ARHGEF15: variants seen among roughly 807,000 people sequenced by gnomAD.
ARHGEF15 encodes Rho guanine nucleotide exchange factor 15.
In ARHGEF15, 58 loss-of-function variants were observed where a neutral mutation model predicts 79.7. The ratio of observed to expected loss-of-function variants is 0.73; its 90% CI spans 0.59 to 0.91. ARHGEF15 has a LOEUF of 0.91. Ranked by LOEUF, ARHGEF15 falls within the 40% of genes least tolerant of loss-of-function variation. ARHGEF15 has a pLI of 0.00. For missense variants in ARHGEF15, 1,012 were observed against 1,108.1 expected, an observed-to-expected ratio of 0.91 and a Z score of 1.23; for synonymous variants, 442 against 456.0, an observed-to-expected ratio of 0.97 and a Z score of 0.39.
chr17:8,319,424 AG>A (rs780356267), intron 14 of ARHGEF15, 30 bp downstream of exon 14: 2 of 1,601,158 alleles, frequency 1.2e-6, no homozygotes. Flanking sequence ...GGATGAGGGA[AG>A]AAAAAGCGAG....
rs368563010 is a variant in ARHGEF15, at chr17:8,318,950, C to A, written c.2033+40C>A. The A allele has an allele frequency of 2.5e-6, 4 of 1,608,812 alleles. No homozygotes were observed. The highest frequency in any genetic ancestry group is 3.4e-6 in the Non-Finnish European group (4 of 1,178,158). ...AGGAAGGAGCCCAGGCTGGAGTGGG[C>A]AGGAGGGGTCCAGCGGGACCCCTGC... is the stretch of plus-strand genomic sequence containing the variant. On this transcript the variant is annotated intron_variant, in intron 12 of 15. Transcript: ENST00000361926. The surrounding 1 kb of genome is among the most constrained non-coding windows in gnomAD (Gnocchi z 5.0).
chr17:8,316,849 A>G (rs1337992928), intron 9 of ARHGEF15, among the ~76,000 whole-genome samples: 1 of 152,080 alleles, frequency 6.6e-6, no homozygotes, highest in Non-Finnish European at 1.5e-5. Flanking sequence ...GTGGCGCAAT[A>G]TCGGCTCACT....
rs1230384228 is a variant in ARHGEF15 at position 8,315,411 on chromosome 17, TAG to T, written c.1261_1262del. On this transcript the variant is annotated splice_acceptor_variant, in intron 6 of 15. Transcript: ENST00000361926. LOFTEE classifies it high-confidence loss of function. This position sits in a 1 kb window ranked among gnomAD's most constrained non-coding sequence, Gnocchi z 4.3. ...TCCCACGACTGCCTGCTTTTCTTTC[TAG>T]AGTCTTTTCGAGGTGGTGACGTCCG... 15 of 1,613,776 alleles carry T rather than the reference TAG, an allele frequency of 9.3e-6. No homozygotes were observed. The highest frequency in any genetic ancestry group is 1.2e-5 in the Non-Finnish European group (14 of 1,179,950).
rs1411818774 is a variant in ARHGEF15 at position 8,319,299 on chromosome 17, A to G, written c.2187-13A>G. ...TTTGGGCCAACTGTGACACTTCCCA[A>G]TATCCCCACCAGATCAGACATGCAG... On this transcript the variant is annotated splice_polypyrimidine_tract_variant and intron_variant, in intron 13 of 15. Transcript: ENST00000361926. The G allele has an allele frequency of 3.7e-6, 6 of 1,613,056 alleles. No individual in the cohort carries two copies. In the East Asian group the frequency reaches 1.1e-4, roughly 30 times the overall value.
chr17:8,311,688 CCA>C (rs1904627553), intron 1 of ARHGEF15, among the ~76,000 whole-genome samples: 1 of 151,980 alleles, frequency 6.6e-6, no homozygotes, highest in South Asian at 2.1e-4. Flanking sequence ...GGGCCACACA[CCA>C]CACACCGTAT....
Position 8,315,511 on chromosome 17 carries a change from T to C in ARHGEF15, c.1358T>C (p.Leu453Pro), listed in dbSNP as rs1331247989. The C allele has an allele frequency of 1.2e-6, 2 of 1,612,482 alleles. No individual in the cohort carries two copies. The highest frequency in any genetic ancestry group is 3.3e-5 in the Admixed American group (2 of 60,000). ...CTGAGCCAGGCACTCCGGGACACGC[T>C]CACCCCCCGTGATCACCACACACTC... The part of the protein sequence containing the change: ...FVLSQALRDT[L>P]TPRDHHTLFS... Residue 453 changes from leucine to proline, a missense_variant, in exon 7 of 16, where the codon CTC becomes CCC. Coordinates refer to ENST00000361926, the MANE Select transcript of ARHGEF15 (RefSeq NM_173728.4). The surrounding 1 kb of genome is among the most constrained non-coding windows in gnomAD (Gnocchi z 4.3).
chr17:8,313,798 G>A (rs930645703), intron 4 of ARHGEF15: 28 of 391,968 alleles, frequency 7.1e-5, no homozygotes, highest in East Asian at 3.8e-4. Context: ...GGGAGGCCGC[G>A]GCAGAAGGAT....
At chr17:8,314,808 C>A in intron 4 of ARHGEF15, 98 bp from the exon 5 acceptor site, 1 of 1,410,406 alleles carries the variant, frequency 7.1e-7, no homozygotes, top group Non-Finnish European at 9.6e-7. Context: ...CTACATCCAA[C>A]CTGCACATGG....
intron 15 of ARHGEF15, 69 bp downstream of exon 15, chr17:8,319,672 G>A: frequency 7.6e-7 from 1 of 1,318,678 alleles, no homozygotes; most frequent in East Asian, 2.7e-5. Flanking sequence ...GTCTCATTCT[G>A]TCAGCCAGGC....
Position 8,315,079 on chromosome 17 carries a change from G to A in ARHGEF15, c.1062G>A (p.Gln354=). 1.2e-6 allele frequency: 2 copies of A among 1,613,576 alleles called. No individual in the cohort carries two copies. The highest frequency in any genetic ancestry group is 1.7e-6 in the Non-Finnish European group (2 of 1,179,696). The change falls in exon 6 of 16, where the codon CAG becomes CAA. Residue 354 remains glutamine (Q), a synonymous_variant. Coordinates refer to ENST00000361926, the MANE Select transcript of ARHGEF15 (RefSeq NM_173728.4). This position sits in a 1 kb window ranked among gnomAD's most constrained non-coding sequence, Gnocchi z 4.3. ...TTTGCCCTCTAGAACCTCTGTACCA[G>A]ACCTACCGAGCAGCCGTGCTGTCAG... is the stretch of plus-strand genomic sequence containing the variant. The part of the protein sequence containing the change: ...ELPLQDEPLY[Q]TYRAAVLSEE...
intron 9 of ARHGEF15, among the ~76,000 whole-genome samples, chr17:8,316,900 A>G (rs1905061490): frequency 1.3e-5 from 2 of 152,114 alleles, no homozygotes; most frequent in Admixed American, 6.6e-5. Flanking sequence ...CTCCTGCCTC[A>G]GCCTCCTGAG....
In ARHGEF15 at chr17:8,318,270, A is replaced by G. The variant is rs763219860; in HGVS notation, c.1705-117A>G. 8 of 932,580 alleles carry G rather than the reference A, an allele frequency of 8.6e-6. No individual in the cohort carries two copies. Among genetic ancestry groups the G allele is most frequent in the Non-Finnish European group, 1.3e-5 (8 of 602,168 alleles). 57.8% of individuals were successfully genotyped at this position (932,580 alleles called of 1,614,324 possible). A position where few individuals can be genotyped will look rare whatever the true frequency, so the allele number is the denominator to read the frequency against. On this transcript the variant is annotated intron_variant, in intron 9 of 15. Transcript: ENST00000361926. This position sits in a 1 kb window ranked among gnomAD's most constrained non-coding sequence, Gnocchi z 5.0. ...AGGGTTCTGCAGATGGTGAGTGATG[A>G]GGTCTGTCAGCCTTGTTGAAACTGG...
Position 8,318,819 on chromosome 17 carries a change from A to G in ARHGEF15, c.1942A>G (p.Arg648Gly), listed in dbSNP as rs1355739014. 6.2e-7 allele frequency: 1 copy of G among 1,613,482 alleles called. No individual in the cohort carries two copies. Among genetic ancestry groups the G allele is most frequent in the African/African-American group, 1.3e-5 (1 of 74,968 alleles). The change falls in exon 12 of 16, where the codon AGG becomes GGG. Residue 648 changes from arginine (R) to glycine (G), a missense_variant. By Grantham distance (125) the Arg-to-Gly change is moderately radical. This residue lies in a region of ARHGEF15 where 818 missense variants were observed against 882.5 expected (regional missense o/e 0.93). Transcript: ENST00000361926. This position sits in a 1 kb window ranked among gnomAD's most constrained non-coding sequence, Gnocchi z 5.0. Reference sequence around the variant, plus strand: ...AGAGCTGACTGAGTTAGGGTGCCGGAGGGGGGGCGTGCTCTTTGCCTCGCG... The same window carrying G: ...AGAGCTGACTGAGTTAGGGTGCCGGGGGGGGGGCGTGCTCTTTGCCTCGCG... ...QGELTELGCRRGGVLFASRPR... is the reference protein window; with the variant it reads ...QGELTELGCRGGGVLFASRPR...
chr17:8,315,273 A>G lies in ARHGEF15; in HGVS notation c.1256A>G (p.Gln419Arg). 1 of 1,612,650 alleles carries G rather than the reference A, an allele frequency of 6.2e-7. No individual in the cohort carries two copies. Among genetic ancestry groups the G allele is most frequent in the East Asian group, 2.2e-5 (1 of 44,840 alleles). Residue 419 changes from glutamine to arginine, a missense_variant, in exon 6 of 16, where the codon CAG (glutamine) becomes CGG (arginine). Gln to Arg is a conservative substitution (Grantham distance 43). Around this residue, in one of 3 missense-constraint regions of ARHGEF15, gnomAD observed 818 missense variants for 882.5 expected, o/e 0.93. Coordinates refer to ENST00000361926, the MANE Select transcript of ARHGEF15 (RefSeq NM_173728.4). This position sits in a 1 kb window ranked among gnomAD's most constrained non-coding sequence, Gnocchi z 4.3. ...DTLSPQERRM[Q>R]ESLFEVVTSE... ...CTCAGCCCCCAGGAGAGGCGCATGC[A>G]GGAGGTGGGAGCTGGAGGTGGGAGA...
At position 8,315,628 on chromosome 17, in the gene ARHGEF15, C is replaced by T. The variant is rs1326847434; in HGVS notation, c.1421+54C>T. ...CCTGCCCTTAGGCTGCTGGGCACGC[C>T]CTTTCCTCTCTCCCGGGCCCAGGTC... On this transcript the variant is annotated intron_variant, in intron 7 of 15. Coordinates refer to ENST00000361926, the MANE Select transcript of ARHGEF15 (RefSeq NM_173728.4). The surrounding 1 kb of genome is among the most constrained non-coding windows in gnomAD (Gnocchi z 4.3). The T allele has an allele frequency of 6.9e-6, 11 of 1,599,522 alleles. No homozygotes were observed. The highest frequency in any genetic ancestry group is 6.8e-6 in the Non-Finnish European group (8 of 1,176,290).
intron 15 of ARHGEF15, 107 bp from the exon 16 acceptor site, chr17:8,320,735 C>T: frequency 2.0e-6 from 2 of 983,718 alleles, no homozygotes; most frequent in Non-Finnish European, 3.0e-6. Context: ...CCATGAATTC[C>T]CACACCTACA....
chr17:8,318,991 C>T lies in ARHGEF15; in HGVS notation c.2034-16C>T, dbSNP rs1034023679. On this transcript the variant is annotated splice_polypyrimidine_tract_variant and intron_variant, in intron 12 of 15. Transcript: ENST00000361926. This position sits in a 1 kb window ranked among gnomAD's most constrained non-coding sequence, Gnocchi z 5.0. The stretch of plus-strand genomic sequence containing the variant: ...GGACCCCTGCTGTCCTTCTGAACGA[C>T]CTCATCCCTGGGCAGTGGGCAGCGG... The T allele has an allele frequency of 4.3e-6, 7 of 1,612,452 alleles. No individual in the cohort carries two copies. Among genetic ancestry groups the T allele is most frequent in the Non-Finnish European group, 5.9e-6 (7 of 1,179,490 alleles).
chr17:8,313,093 A>G lies in ARHGEF15; in HGVS notation c.773A>G (p.His258Arg). 1 of 1,605,364 alleles carries G rather than the reference A, an allele frequency of 6.2e-7. No homozygotes were observed. The highest frequency in any genetic ancestry group is 8.5e-7 in the Non-Finnish European group (1 of 1,177,762). The change falls in exon 3 of 16, where the codon CAC becomes CGC. Residue 258 changes from histidine to arginine, a missense_variant. Transcript: ENST00000361926. ...CGCCCCCACCCTCCAAGCATCGGTC[A>G]CCCTGCCGTTGTCCTCACATCCTAC... ...RSRPHPPSIG[H>R]PAVVLTSYRS...
At position 8,312,326 on chromosome 17, in the gene ARHGEF15, G is replaced by T. The variant is rs754506677; in HGVS notation, c.287G>T (p.Ser96Ile). The T allele has an allele frequency of 1.9e-6, 3 of 1,571,352 alleles. No homozygotes were observed. Among genetic ancestry groups the T allele is most frequent in the Non-Finnish European group, 2.6e-6 (3 of 1,159,546 alleles). The change falls in exon 2 of 16, where the codon AGC becomes ATC. Residue 96 changes from serine to isoleucine, a missense_variant. Ser to Ile is a moderately radical substitution (Grantham distance 142, BLOSUM62 -2). This residue lies in a region of ARHGEF15 where 818 missense variants were observed against 882.5 expected (regional missense o/e 0.93). Transcript: ENST00000361926. ...DSQTSPDSPSSTPTPSPVSRR... is the reference protein window; with the variant it reads ...DSQTSPDSPSITPTPSPVSRR... The stretch of plus-strand genomic sequence containing the variant: ...CAGACTTCCCCAGACTCACCTTCCA[G>T]CACCCCCACACCTAGTCCAGTGTCC...
Sources: gnomAD v4.1 joint callset for allele counts (sites outside exome capture counted in the v4.1 genomes callset) on GRCh38, gnomAD v4.1.1 for gene constraint, gnomAD v4.1.1 regional missense constraint, Gnocchi (gnomAD v3.1) non-coding constraint, MANE v1.5 for transcripts, NCBI Gene and HGNC (gene_info 2026-07-23, HGNC 2026-07-21) for gene names.